ILRUN: variants seen among roughly 807,000 people sequenced by gnomAD.
The protein encoded by ILRUN is protein ILRUN.
In ILRUN, 3 loss-of-function variants were observed where a neutral mutation model predicts 33.8. The observed-to-expected ratio is 0.09, with a 90% CI of 0.04 to 0.23. The LOEUF is 0.23. ILRUN is among the 10% of genes least tolerant of loss of function. The probability of loss-of-function intolerance (pLI) is 1.00; values close to 1 mark genes in which losing one functional copy is unlikely to be tolerated. For missense variants in ILRUN, 210 were observed against 375.1 expected (o/e 0.56, Z 3.64); for synonymous variants, 124 against 138.9 (o/e 0.89, Z 0.75).
At chr6:34,628,551 C>T (rs1005971772) in intron 3 of ILRUN, among the ~76,000 whole-genome samples, 1 of 152,024 alleles carries the variant, frequency 6.6e-6, no homozygotes, top group East Asian at 1.9e-4. Flanking sequence ...CCAAGATGGT[C>T]TCCATCTCCT....
chr6:34,594,368 T>C (rs1761353652), intron 4 of ILRUN, among the ~76,000 whole-genome samples: 1 of 152,122 alleles, frequency 6.6e-6, no homozygotes, highest in Non-Finnish European at 1.5e-5. Context: ...TCATGTCCTA[T>C]CACATAGGGA....
rs1464901843 is a variant in ILRUN at position 34,606,817 on chromosome 6, G to A, written c.599C>T (p.Thr200Ile). The A allele has an allele frequency of 1.4e-5, 23 of 1,614,056 alleles. No homozygotes were observed. Among genetic ancestry groups the A allele is most frequent in the Non-Finnish European group, 1.9e-5 (23 of 1,180,038 alleles). The change falls in exon 4 of 5, where the codon ACA becomes ATA. Residue 200 changes from threonine (T) to isoleucine (I), a missense_variant. Physicochemically the swap from Thr to Ile is moderately conservative, Grantham distance 89. Transcript: ENST00000374023. ...QLSSFETEFN[T>I]QPHRKVEGNF... The stretch of plus-strand genomic sequence containing the variant: ...TCCTTCTACCTTACGATGCGGCTGT[G>A]TGTTGAACTCCGTTTCAAAAGATGA...
chr6:34,589,437 G>A lies in ILRUN; in HGVS notation c.*1128C>T, dbSNP rs1020149423. 3.3e-5 allele frequency: 5 copies of A among 152,258 alleles called. No homozygotes were observed. Among genetic ancestry groups the A allele is most frequent in the African/African-American group, 9.6e-5 (4 of 41,458 alleles). 9.4% of individuals were successfully genotyped at this position (152,258 alleles called of 1,614,324 possible). A position where few individuals can be genotyped will look rare whatever the true frequency, so the allele number is the denominator to read the frequency against. On this transcript the variant is annotated 3_prime_UTR_variant, in exon 5 of 5. Transcript: ENST00000374023. Reference sequence around the variant, plus strand: ...CTTCCCCATGACAAATTCCCCCTTTGGGGCTGTATTTTCATACCTCTACAG... The same window carrying A: ...CTTCCCCATGACAAATTCCCCCTTTAGGGCTGTATTTTCATACCTCTACAG...
chr6:34,670,389 T>C (rs1321426459), intron 1 of ILRUN, among the ~76,000 whole-genome samples: 1 of 152,100 alleles, frequency 6.6e-6, no homozygotes, highest in Non-Finnish European at 1.5e-5. Context: ...CTGAATTATA[T>C]TAAAATAGGT....
intron 1 of ILRUN, among the ~76,000 whole-genome samples, chr6:34,681,844 C>T (rs1441591271): frequency 1.6e-5 from 2 of 124,724 alleles, no homozygotes; most frequent in Non-Finnish European, 3.2e-5. Context: ...TCCACCACTA[C>T]ATTTTTTTTT....
chr6:34,639,533 A>C (rs1406744881), intron 3 of ILRUN, among the ~76,000 whole-genome samples: 1 of 152,196 alleles, frequency 6.6e-6, no homozygotes, highest in East Asian at 1.9e-4. Flanking sequence ...CCCAGAGTCC[A>C]ATGTCCTATA....
At chr6:34,639,957 T>C (rs979090911) in intron 3 of ILRUN, among the ~76,000 whole-genome samples, 5 of 152,200 alleles carry the variant, frequency 3.3e-5, no homozygotes, top group African/African-American at 9.6e-5. Flanking sequence ...CGAGAATTTG[T>C]TAGTACTTTC....
intron 1 of ILRUN, among the ~76,000 whole-genome samples, chr6:34,667,480 T>C (rs781369754): frequency 1.1e-4 from 16 of 152,168 alleles, no homozygotes; most frequent in Admixed American, 2.0e-4. Flanking sequence ...ACCTATGCAG[T>C]ATCAACTCAG....
intron 1 of ILRUN, among the ~76,000 whole-genome samples, chr6:34,683,519 TATATATATAC>T: frequency 3.7e-5 from 3 of 81,764 alleles, no homozygotes; most frequent in African/African-American, 1.6e-4. Context: ...TATATACATA[TATATATATAC>T]ATATTGCACA....
chr6:34,660,571 G>A (rs1213582588), intron 1 of ILRUN, among the ~76,000 whole-genome samples: 1 of 152,048 alleles, frequency 6.6e-6, no homozygotes, highest in East Asian at 1.9e-4. Flanking sequence ...ACCACAAGGG[G>A]TTTTCCTCAC....
intron 1 of ILRUN, among the ~76,000 whole-genome samples, chr6:34,690,356 G>A (rs1483583009): frequency 6.6e-6 from 1 of 152,140 alleles, no homozygotes; most frequent in African/African-American, 2.4e-5. Flanking sequence ...AGCTACTTGG[G>A]AGGCTGAGGC....
rs148653229 is a variant in ILRUN, at chr6:34,690,183, G to A, written c.158+6263C>T. ...CCTTAAACTGATTAAAATGCGGGCC[G>A]GGCATGGTGGCTCACACCTGTAATC... On this transcript the variant is annotated intron_variant, in intron 1 of 4. Transcript: ENST00000374023. Among the ~76,000 whole-genome samples, 1,116 of 152,184 alleles carry A rather than the reference G, an allele frequency of 7.3e-3. 21 individuals are homozygous for A. The highest frequency in any genetic ancestry group is 0.026 in the African/African-American group (1,061 of 41,508).
chr6:34,608,625 T>C (rs1761682416), intron 3 of ILRUN, among the ~76,000 whole-genome samples: 1 of 152,162 alleles, frequency 6.6e-6, no homozygotes, highest in Admixed American at 6.6e-5. Context: ...TTATGGAAGC[T>C]ACAGTGTCAC....
chr6:34,588,019 C>T lies in ILRUN; in HGVS notation c.*2546G>A, dbSNP rs1761228035. The T allele has an allele frequency of 5.0e-6, 2 of 398,676 alleles. No homozygotes were observed. Among genetic ancestry groups the T allele is most frequent in the Admixed American group, 8.8e-5 (2 of 22,744 alleles). 24.7% of individuals were successfully genotyped at this position (398,676 alleles called of 1,614,324 possible). On this transcript the variant is annotated 3_prime_UTR_variant, in exon 5 of 5. Transcript: ENST00000374023. ...GGGGCTGAGAGGTAGCCACTACCACCCCACTAGGCAGGGGAGCAGAGAGGG... is the reference window on the plus strand; with the variant it reads ...GGGGCTGAGAGGTAGCCACTACCACTCCACTAGGCAGGGGAGCAGAGAGGG...
chr6:34,605,591 T>C (rs1320873207), intron 4 of ILRUN, among the ~76,000 whole-genome samples: 1 of 152,168 alleles, frequency 6.6e-6, no homozygotes, highest in Non-Finnish European at 1.5e-5. Flanking sequence ...ATTGTGTCAC[T>C]ACACTCCAGC....
chr6:34,595,830 GGT>G, intron 4 of ILRUN: 10 of 985,326 alleles, frequency 1.0e-5, no homozygotes, highest in Non-Finnish European at 1.2e-5. Context: ...ATGCTCTCTT[GGT>G]GTATACTGAT....
intron 1 of ILRUN, among the ~76,000 whole-genome samples, chr6:34,676,126 A>G (rs577749114): frequency 2.6e-5 from 4 of 152,178 alleles, no homozygotes; most frequent in Non-Finnish European, 5.9e-5. Flanking sequence ...CAGTATATAT[A>G]GAGCTGGGCA....
Position 34,599,203 on chromosome 6 carries a change from T to C in ILRUN, c.861+7352A>G, listed in dbSNP as rs78734645. Among the ~76,000 whole-genome samples, 1,115 of 152,370 alleles carry C rather than the reference T, an allele frequency of 7.3e-3. 21 individuals carry two copies. Among genetic ancestry groups the C allele is most frequent in the African/African-American group, 0.025 (1,060 of 41,594 alleles). On this transcript the variant is annotated intron_variant, in intron 4 of 4. Transcript: ENST00000374023. The stretch of plus-strand genomic sequence containing the variant: ...ATTTGCTGTGTGAATGTGAGTAAGT[T>C]ACTTATAATACTTCCCTATTATTTT...
intron 3 of ILRUN, among the ~76,000 whole-genome samples, chr6:34,624,468 C>A (rs1451526087): frequency 6.6e-6 from 1 of 152,054 alleles, no homozygotes; most frequent in East Asian, 1.9e-4. Context: ...GGATTGCAGG[C>A]ATGCACCACC....
Sources: gnomAD v4.1 joint callset for allele counts (sites outside exome capture counted in the v4.1 genomes callset) on GRCh38, gnomAD v4.1.1 for gene constraint, MANE v1.5 for transcripts, NCBI Gene and HGNC (gene_info 2026-07-23, HGNC 2026-07-21) for gene names.